LYPD8: variants seen among roughly 807,000 people sequenced by gnomAD.
The protein encoded by LYPD8 is LY6/PLAUR domain containing 8.
LYPD8 carries 8 observed loss-of-function variants against 1.7 expected under a neutral mutation model. That is an observed-to-expected ratio of 4.58 (90% CI 2.69 to 8.27). LYPD8 has a LOEUF of 8.27. Ranked by LOEUF, LYPD8 falls within the 30% of genes most tolerant of loss-of-function variation. LYPD8 has a pLI of 0.00. For missense variants in LYPD8, 112 were observed against 102.3 expected (o/e 1.09, Z -0.41); for synonymous variants, 50 against 43.6 (o/e 1.15, Z -0.58).
At chr1:248,753,555 AT>A (rs1662870310) in intron 2 of LYPD8, among the ~76,000 whole-genome samples, 21 of 112,980 alleles carry the variant, frequency 1.9e-4, no homozygotes, top group African/African-American at 7.7e-4. Flanking sequence ...CACAAAACAC[AT>A]CACACACACA....
chr1:248,743,138 G>GA (rs142657215), intron 6 of LYPD8, among the ~76,000 whole-genome samples: 11 of 151,884 alleles, frequency 7.2e-5, no homozygotes, highest in Non-Finnish European at 1.3e-4. Context: ...AAACTACTCT[G>GA]AAAAAAAATG....
At chr1:248,755,684 C>T (rs1662909956) in intron 1 of LYPD8, 21 bp downstream of exon 1, 1 of 152,348 alleles carries the variant, frequency 6.6e-6, no homozygotes, top group Non-Finnish European at 1.5e-5. Flanking sequence ...GGCTCAGGCC[C>T]CGGCCTCGCA....
chr1:248,753,311 C>T (rs1408059802), intron 2 of LYPD8, among the ~76,000 whole-genome samples: 2 of 123,936 alleles, frequency 1.6e-5, no homozygotes, highest in Non-Finnish European at 3.4e-5. Flanking sequence ...CCACACACCC[C>T]ACACAACACA....
chr1:248,739,526 G>C lies in LYPD8; in HGVS notation c.*85C>G, dbSNP rs1387059388. On this transcript the variant is annotated 3_prime_UTR_variant, in exon 7 of 7. Transcript: ENST00000590317. The surrounding 1 kb of genome is among the most constrained non-coding windows in gnomAD (Gnocchi z 4.3). ...GGGCAGTTAAACGGGGCAGAGCAGG[G>C]AAAGAGGGTGTCAGCACCGCAGGGG... 1.4e-5 allele frequency: 21 copies of C among 1,531,566 alleles called. No individual in the cohort carries two copies. Among genetic ancestry groups the C allele is most frequent in the Non-Finnish European group, 1.8e-5 (21 of 1,135,544 alleles). 94.9% of individuals were successfully genotyped at this position (1,531,566 alleles called of 1,614,324 possible).
intron 2 of LYPD8, among the ~76,000 whole-genome samples, chr1:248,753,855 CACAT>C (rs1446861364): frequency 1.4e-5 from 2 of 147,782 alleles, no homozygotes; most frequent in African/African-American, 2.5e-5. Context: ...CATCACATGA[CACAT>C]ACACCACACA....
At chr1:248,753,072 C>T (rs1662847253) in intron 2 of LYPD8, among the ~76,000 whole-genome samples, 2 of 113,926 alleles carry the variant, frequency 1.8e-5, no homozygotes, top group Admixed American at 8.9e-5. Flanking sequence ...ACACACCCCA[C>T]ACACCCCACA....
chr1:248,753,671 A>G (rs1183998685), intron 2 of LYPD8, among the ~76,000 whole-genome samples: 1 of 120,874 alleles, frequency 8.3e-6, no homozygotes. Context: ...CACCCCACGC[A>G]ACACACACAC....
chr1:248,753,344 AC>A, intron 2 of LYPD8, among the ~76,000 whole-genome samples: 1 of 133,430 alleles, frequency 7.5e-6, no homozygotes, highest in South Asian at 2.5e-4. Context: ...CACACCACAC[AC>A]ACCACACAAC....
At chr1:248,753,422 CACACAACA>C (rs1331793209) in intron 2 of LYPD8, among the ~76,000 whole-genome samples, 8,413 of 131,590 alleles carry the variant, frequency 0.064, 441 homozygotes, top group East Asian at 0.17. Context: ...CCACACACCA[CACACAACA>C]CACACAACAC....
At chr1:248,745,622 A>G (rs901754211) in intron 5 of LYPD8, among the ~76,000 whole-genome samples, 1 of 152,250 alleles carries the variant, frequency 6.6e-6, no homozygotes, top group Non-Finnish European at 1.5e-5. Flanking sequence ...GGTGAGTGTT[A>G]CTAAATCCTG....
intron 4 of LYPD8, 100 bp from the exon 5 acceptor site, chr1:248,748,553 T>C: frequency 2.5e-6 from 1 of 397,408 alleles, no homozygotes; most frequent in Admixed American, 4.4e-5. Context: ...AGGCAGAAAA[T>C]GCAACCTCAG....
chr1:248,744,331 G>A (rs797027486), intron 6 of LYPD8, among the ~76,000 whole-genome samples: 3 of 152,234 alleles, frequency 2.0e-5, no homozygotes, highest in Non-Finnish European at 2.9e-5. Flanking sequence ...AAAAGGAAGA[G>A]CCAGGGCTGG....
chr1:248,749,765 T>C (rs973590110), intron 4 of LYPD8, among the ~76,000 whole-genome samples: 1 of 152,100 alleles, frequency 6.6e-6, no homozygotes, highest in Non-Finnish European at 1.5e-5. Context: ...ACCATAGCAA[T>C]ATGATAGTTA....
At chr1:248,751,894 C>G (rs1399109038) in intron 2 of LYPD8, among the ~76,000 whole-genome samples, 1 of 152,156 alleles carries the variant, frequency 6.6e-6, no homozygotes, top group African/African-American at 2.4e-5. Context: ...GTCTCTGCAC[C>G]TTGCATTCCC....
chr1:248,746,442 T>A (rs1662727082), intron 5 of LYPD8, among the ~76,000 whole-genome samples: 1 of 152,206 alleles, frequency 6.6e-6, no homozygotes, highest in African/African-American at 2.4e-5. Context: ...GTTAATGCCA[T>A]CCGGATATAC....
At chr1:248,754,511 C>T (rs1662892635) in intron 2 of LYPD8, among the ~76,000 whole-genome samples, 1 of 151,336 alleles carries the variant, frequency 6.6e-6, no homozygotes. Context: ...CATATGCCTC[C>T]ACACACAGAG....
In LYPD8 at chr1:248,745,202, T is replaced by C; in HGVS notation, c.415A>G (p.Lys139Glu). 1 of 398,594 alleles carries C rather than the reference T, an allele frequency of 2.5e-6. No homozygotes were observed. 24.7% of individuals were successfully genotyped at this position (398,594 alleles called of 1,614,324 possible). ...YESNGTSCHG[K>E]PWKCYEEEQC... ...TCTTCTTCATAGCATTTCCAGGGCT[T>C]CCCATGACAGGAAGTTCCATTAGAT... The change falls in exon 6 of 7, where the codon AAG (lysine) becomes GAG (glutamate). Residue 139 changes from lysine to glutamate, a missense_variant. Transcript: ENST00000590317.
At chr1:248,752,790 A>ACACACACAC (rs1662830943) in intron 2 of LYPD8, among the ~76,000 whole-genome samples, 150 of 84,282 alleles carry the variant, frequency 1.8e-3, no homozygotes, top group African/African-American at 9.3e-3. Flanking sequence ...CACACCACAC[A>ACACACACAC]CACACCACAC....
At chr1:248,752,246 G>A (rs1166175471) in intron 2 of LYPD8, among the ~76,000 whole-genome samples, 6 of 151,922 alleles carry the variant, frequency 3.9e-5, no homozygotes, top group East Asian at 1.9e-4. Context: ...CCATCATTGC[G>A]GAGAGTCCCA....
Sources: allele counts gnomAD v4.1 joint callset (sites outside exome capture counted in the v4.1 genomes callset), GRCh38; gene constraint gnomAD v4.1.1; non-coding constraint Gnocchi (gnomAD v3.1); transcripts MANE v1.5; gene names NCBI Gene and HGNC (gene_info 2026-07-23, HGNC 2026-07-21).